PRELID2: variants seen among roughly 807,000 people sequenced by gnomAD.
PRELID2 encodes PRELI domain-containing protein 2.
In PRELID2, 25 loss-of-function variants were observed where a neutral mutation model predicts 28.4. The observed-to-expected ratio is 0.88, with a 90% CI of 0.64 to 1.23. The LOEUF (loss-of-function observed/expected upper bound fraction) is 1.23, where lower values mean the gene tolerates loss of function less well. PRELID2 is among the 50% of genes most tolerant of loss of function. The pLI is 0.00. For synonymous variants in PRELID2, 76 were observed against 71.6 expected, an observed-to-expected ratio of 1.06 and a Z score of -0.31; for missense variants, 201 against 214.4, an observed-to-expected ratio of 0.94 and a Z score of 0.39.
the PRELID2 span, among the ~76,000 whole-genome samples, chr5:145,456,676 G>A: frequency 6.6e-6 from 1 of 152,162 alleles, no homozygotes; most frequent in African/African-American, 2.4e-5. Context: ...AAGTGATAAT[G>A]CTAATAGACG....
intron 5 of PRELID2, among the ~76,000 whole-genome samples, chr5:145,792,568 C>T (rs1233728715): frequency 6.6e-6 from 1 of 152,190 alleles, no homozygotes; most frequent in South Asian, 2.1e-4. Flanking sequence ...CTACTTAAGG[C>T]ACAGTCTCTA....
intron 1 of PRELID2, chr5:145,728,417 G>T: frequency 1.9e-6 from 1 of 536,618 alleles, no homozygotes; most frequent in Non-Finnish European, 3.4e-6. Context: ...CACACTTCAA[G>T]CTTCAGCAAG....
At chr5:145,476,103 CAA>C (rs1353152180) in intron 1 of PRELID2, among the ~76,000 whole-genome samples, 2 of 152,064 alleles carry the variant, frequency 1.3e-5, no homozygotes, top group South Asian at 2.1e-4. Context: ...AGGACTCTAC[CAA>C]AAAGACTCCA....
chr5:145,493,656 A>T (rs2126628486), intron 1 of PRELID2, among the ~76,000 whole-genome samples: 1 of 152,132 alleles, frequency 6.6e-6, no homozygotes, highest in Admixed American at 6.5e-5. Flanking sequence ...AAGCTACTCT[A>T]CCTGCTCTCG....
At chr5:145,503,735 T>C (rs1390187205) in intron 1 of PRELID2, among the ~76,000 whole-genome samples, 1 of 152,312 alleles carries the variant, frequency 6.6e-6, no homozygotes, top group East Asian at 1.9e-4. Context: ...AGTTCTTTAG[T>C]ACAGGACTTT....
chr5:145,719,496 C>A (rs936010325), intron 1 of PRELID2, among the ~76,000 whole-genome samples: 1 of 144,820 alleles, frequency 6.9e-6, no homozygotes, highest in Non-Finnish European at 1.5e-5. Context: ...TTTCCCATTA[C>A]GAGAGAGAGA....
At chr5:145,454,784 G>T in the PRELID2 span, among the ~76,000 whole-genome samples, 1 of 152,154 alleles carries the variant, frequency 6.6e-6, no homozygotes, top group Non-Finnish European at 1.5e-5. Context: ...CTTCTTTTGA[G>T]AAGTGTCTGT....
chr5:145,466,008 T>C, the PRELID2 span, among the ~76,000 whole-genome samples: 1 of 152,076 alleles, frequency 6.6e-6, no homozygotes, highest in African/African-American at 2.4e-5. Flanking sequence ...CCTTTGGAAA[T>C]TTTCCCTGAG....
intron 1 of PRELID2, among the ~76,000 whole-genome samples, chr5:145,692,625 G>A (rs1039378527): frequency 1.3e-5 from 2 of 152,134 alleles, no homozygotes; most frequent in African/African-American, 4.8e-5. Flanking sequence ...CAAAGTAAAT[G>A]CCTGTCAGGT....
the PRELID2 span, among the ~76,000 whole-genome samples, chr5:145,364,781 G>T: frequency 6.6e-6 from 1 of 151,940 alleles, no homozygotes; most frequent in Admixed American, 6.6e-5. Context: ...CATATTGATT[G>T]CTGGGTGGTA....
chr5:145,246,865 G>A, the PRELID2 span, among the ~76,000 whole-genome samples: 56 of 152,240 alleles, frequency 3.7e-4, no homozygotes, highest in East Asian at 4.3e-3. Flanking sequence ...TGTATGGTTT[G>A]ACTCTGAAAC....
At chr5:145,352,172 A>C in the PRELID2 span, among the ~76,000 whole-genome samples, 1 of 152,218 alleles carries the variant, frequency 6.6e-6, no homozygotes, top group Admixed American at 6.5e-5. Flanking sequence ...CTATATGTGG[A>C]GGAGGGTCCA....
the PRELID2 span, among the ~76,000 whole-genome samples, chr5:145,275,005 C>T: frequency 6.6e-6 from 1 of 152,242 alleles, no homozygotes; most frequent in African/African-American, 2.4e-5. Flanking sequence ...CTCTGTTTCA[C>T]CTGTGTCCTA....
At chr5:145,417,974 G>A in the PRELID2 span, among the ~76,000 whole-genome samples, 1 of 152,286 alleles carries the variant, frequency 6.6e-6, no homozygotes, top group Non-Finnish European at 1.5e-5. Flanking sequence ...CAGATGACAT[G>A]ATTCTATATT....
intron 5 of PRELID2, among the ~76,000 whole-genome samples, chr5:145,790,971 T>C (rs1230234323): frequency 9.3e-5 from 14 of 151,316 alleles, no homozygotes; most frequent in Admixed American, 7.9e-4. Flanking sequence ...TTTATAGCAG[T>C]ATTATTCACA....
At chr5:145,746,184 A>C (rs1756985915) in intron 1 of PRELID2, among the ~76,000 whole-genome samples, 1 of 152,246 alleles carries the variant, frequency 6.6e-6, no homozygotes, top group Admixed American at 6.5e-5. Context: ...TTAAATGTAA[A>C]TGGGCTAAAT....
At chr5:145,623,691 C>T (rs4339405) in intron 1 of PRELID2, among the ~76,000 whole-genome samples, 19,669 of 151,960 alleles carry the variant, frequency 0.13, 1,803 homozygotes, top group African/African-American at 0.23. Flanking sequence ...TGTGGATCAT[C>T]GTGGAAAGCA....
At chr5:145,673,481 GAAAGA>G (rs1288091841) in intron 1 of PRELID2, among the ~76,000 whole-genome samples, 5 of 138,588 alleles carry the variant, frequency 3.6e-5, no homozygotes, top group Admixed American at 2.1e-4. Flanking sequence ...GAAGAAAAAG[GAAAGA>G]AAAGAAAAGA....
chr5:145,573,995 C>T (rs1033716040), intron 1 of PRELID2, among the ~76,000 whole-genome samples: 16 of 152,078 alleles, frequency 1.1e-4, no homozygotes, highest in Non-Finnish European at 2.1e-4. Context: ...TGTTACATGG[C>T]AAGGGGGAAA....
Sources: gnomAD v4.1 joint callset for allele counts (sites outside exome capture counted in the v4.1 genomes callset) on GRCh38, gnomAD v4.1.1 for gene constraint, MANE v1.5 for transcripts, NCBI Gene and HGNC (gene_info 2026-07-23, HGNC 2026-07-21) for gene names.